The following CNTN1 variants were observed in gnomAD, a reference collection of about 807,000 sequenced individuals.
CNTN1 encodes the protein contactin 1.
A neutral mutation model predicts 126.4 loss-of-function variants in CNTN1; 38 were observed. The ratio of observed to expected loss-of-function variants is 0.30; its 90% CI spans 0.23 to 0.39. The LOEUF is 0.39. CNTN1 is among the 10% of genes least tolerant of loss of function. The pLI, the probability that CNTN1 is intolerant of heterozygous loss-of-function variation, is 1.00. For synonymous variants in CNTN1, 413 were observed against 422.6 expected (o/e 0.98, Z 0.28); for missense variants, 1,009 against 1,248.4 (o/e 0.81, Z 2.89).
intron 4 of CNTN1, among the ~76,000 whole-genome samples, chr12:40,921,717 C>CA (rs1945449000): frequency 6.6e-6 from 1 of 152,036 alleles, no homozygotes; most frequent in Admixed American, 6.6e-5. Context: ...TTTTAAAAAC[C>CA]CAACTGACTT....
chr12:40,815,456 T>C (rs1020351056), intron 1 of CNTN1, among the ~76,000 whole-genome samples: 7 of 152,182 alleles, frequency 4.6e-5, no homozygotes, highest in African/African-American at 1.7e-4. Context: ...TGCTTGCCTA[T>C]TGTAGGTGTA....
chr12:40,807,195 T>C (rs1219840875), intron 1 of CNTN1, among the ~76,000 whole-genome samples: 1 of 152,122 alleles, frequency 6.6e-6, no homozygotes, highest in Non-Finnish European at 1.5e-5. Context: ...CCCTCCTCTA[T>C]AGCTCTTCAT....
rs557344923 is a variant in CNTN1 at position 40,720,494 on chromosome 12, C to T, written c.-77+27902C>T. Among the ~76,000 whole-genome samples the T allele has an allele frequency of 5.1e-4, 78 of 151,954 alleles. 1 individual carries two copies. The South Asian group carries it at 0.015, about 30-fold the overall frequency. ...TAAGGCACAGAGTCAAATACCATTT[C>T]GTTTATGTGACTGTTTGTTTTGTGT... On this transcript the variant is annotated intron_variant, in intron 1 of 23. Coordinates refer to ENST00000551295, the MANE Select transcript of CNTN1 (RefSeq NM_001843.4).
chr12:40,896,770 AT>A (rs1944429466), intron 1 of CNTN1, among the ~76,000 whole-genome samples: 2 of 152,344 alleles, frequency 1.3e-5, no homozygotes, highest in Non-Finnish European at 2.9e-5. Flanking sequence ...CAAGAATATA[AT>A]AATAAGATAC....
At position 40,907,619 on chromosome 12, in the gene CNTN1, C is replaced by T. The variant is rs576994212; in HGVS notation, c.-76-738C>T. On this transcript the variant is annotated intron_variant, in intron 1 of 23. Transcript: ENST00000551295. ...AGACTGCTACATGGTTTTGTATTTT[C>T]GTTTATATTAGTAATTTTATTTTCT... Among the ~76,000 whole-genome samples, 472 of 152,210 alleles carry T rather than the reference C, an allele frequency of 3.1e-3. 2 individuals carry two copies. The highest frequency in any genetic ancestry group is 4.5e-3 in the Non-Finnish European group (303 of 68,008).
chr12:40,985,046 GA>G (rs1396682176), intron 16 of CNTN1, among the ~76,000 whole-genome samples: 6 of 152,046 alleles, frequency 3.9e-5, no homozygotes, highest in Non-Finnish European at 8.8e-5. Context: ...TCAACTTGAA[GA>G]ACTTTAATTT....
In CNTN1 at chr12:41,048,799, G is replaced by A. The variant is rs930047395; in HGVS notation, c.2980+19580G>A. Among the ~76,000 whole-genome samples, 4 of 151,784 alleles carry A rather than the reference G, an allele frequency of 2.6e-5. 1 individual carries two copies. Among genetic ancestry groups the A allele is most frequent in the South Asian group, 4.2e-4 (2 of 4,810 alleles). On this transcript the variant is annotated intron_variant, in intron 23 of 23. Coordinates refer to ENST00000551295, the MANE Select transcript of CNTN1 (RefSeq NM_001843.4). ...AAAGAGAAGGAAGGAAGGAAGGAAC[G>A]AAGAAAAACAAAAAAAGAAAATCTC...
At chr12:40,734,476 G>C (rs1942572197) in intron 1 of CNTN1, among the ~76,000 whole-genome samples, 1 of 152,104 alleles carries the variant, frequency 6.6e-6, no homozygotes, top group Non-Finnish European at 1.5e-5. Flanking sequence ...GCACAGCAGG[G>C]CATCGTGGAT....
At chr12:40,759,774 A>ATTTTTTTTTTTTTTTTGTTTTTTTTTTTT (rs1938775650) in intron 1 of CNTN1, among the ~76,000 whole-genome samples, 1 of 133,580 alleles carries the variant, frequency 7.5e-6, no homozygotes, top group East Asian at 2.2e-4. Context: ...TGGCCCAGAT[A>ATTTTTTTTTTTTTTTTGTTTTTTTTTTTT]TTTTTTTTTT....
At chr12:40,928,097 A>G (rs958874151) in intron 6 of CNTN1, among the ~76,000 whole-genome samples, 8 of 152,022 alleles carry the variant, frequency 5.3e-5, no homozygotes, top group South Asian at 2.1e-4. Flanking sequence ...CATACATTCT[A>G]TAGTTACAAA....
chr12:40,976,206 TC>T (rs1947665312), intron 15 of CNTN1, among the ~76,000 whole-genome samples: 1 of 152,164 alleles, frequency 6.6e-6, no homozygotes, highest in Non-Finnish European at 1.5e-5. Context: ...ATATTTCAGT[TC>T]TTTTTCCCCT....
rs187204116 is a variant in CNTN1, at chr12:40,696,212, C to T, written c.-77+3620C>T. 2.2e-4 allele frequency among the ~76,000 whole-genome samples: 33 copies of T among 152,240 alleles called. No individual in the cohort carries two copies. In the East Asian group the frequency reaches 4.6e-3, roughly 21 times the overall value. On this transcript the variant is annotated intron_variant, in intron 1 of 23. Transcript: ENST00000551295. ...AGGTGAAAACTGGTTTTGCTTTTTCCCCATCAATAGGCATCATTCCTAAAC... is the reference window on the plus strand; with the variant it reads ...AGGTGAAAACTGGTTTTGCTTTTTCTCCATCAATAGGCATCATTCCTAAAC...
chr12:40,959,876 T>TACCATGTGTTTA (rs1566041125), intron 15 of CNTN1, among the ~76,000 whole-genome samples: 3 of 152,010 alleles, frequency 2.0e-5, no homozygotes, highest in African/African-American at 7.2e-5. Context: ...CCTTTAGTTT[T>TACCATGTGTTTA]GCACCCAAGA....
chr12:40,869,122 T>G (rs1943403774), intron 1 of CNTN1, among the ~76,000 whole-genome samples: 1 of 151,822 alleles, frequency 6.6e-6, no homozygotes, highest in Non-Finnish European at 1.5e-5. Context: ...TGATAGTTTA[T>G]AAAACACAAA....
chr12:40,875,682 T>C (rs1214534588), intron 1 of CNTN1, among the ~76,000 whole-genome samples: 1 of 152,162 alleles, frequency 6.6e-6, no homozygotes, highest in African/African-American at 2.4e-5. Context: ...GGTTGTTGCA[T>C]GTATAAATAT....
At chr12:40,916,430 G>A (rs75678062) in intron 3 of CNTN1, among the ~76,000 whole-genome samples, 2,653 of 152,064 alleles carry the variant, frequency 0.017, 73 homozygotes, top group African/African-American at 0.058. Context: ...ATAAGCACAA[G>A]GTCATTTCTT....
intron 1 of CNTN1, among the ~76,000 whole-genome samples, chr12:40,814,412 A>G (rs112346539): frequency 0.023 from 3,461 of 152,250 alleles, 127 homozygotes; most frequent in African/African-American, 0.077. Context: ...TTTTTTCTCC[A>G]TATGGTTAGC....
rs1466861306 is a variant in CNTN1, at chr12:41,070,348, T to C, written c.*313T>C. 7.3e-6 allele frequency: 3 copies of C among 410,068 alleles called. No homozygotes were observed. Among genetic ancestry groups the C allele is most frequent in the Non-Finnish European group, 1.4e-5 (3 of 218,246 alleles). 25.4% of individuals were successfully genotyped at this position (410,068 alleles called of 1,614,324 possible). On this transcript the variant is annotated 3_prime_UTR_variant, in exon 24 of 24. Coordinates refer to ENST00000551295, the MANE Select transcript of CNTN1 (RefSeq NM_001843.4). Reference sequence around the variant, plus strand: ...GGACAAGTTACAGTGTTCAATTCAATACTATAGGCTGTAGAGTGAAAGTCA... The same window carrying C: ...GGACAAGTTACAGTGTTCAATTCAACACTATAGGCTGTAGAGTGAAAGTCA...
At chr12:40,748,217 G>C (rs1331988231) in intron 1 of CNTN1, among the ~76,000 whole-genome samples, 1 of 152,168 alleles carries the variant, frequency 6.6e-6, no homozygotes, top group African/African-American at 2.4e-5. Flanking sequence ...ATTGTTAACT[G>C]TTAGGTGAGA....
Sources: allele counts gnomAD v4.1 joint callset (sites outside exome capture counted in the v4.1 genomes callset), GRCh38; gene constraint gnomAD v4.1.1; transcripts MANE v1.5; gene names NCBI Gene and HGNC (gene_info 2026-07-23, HGNC 2026-07-21).